CDH18: variants seen among roughly 807,000 people sequenced by gnomAD.
CDH18 encodes cadherin-18.
Under a neutral mutation model 67.9 loss-of-function variants are expected in CDH18, and 31 were observed. The ratio of observed to expected loss-of-function variants is 0.46; its 90% CI spans 0.34 to 0.62. The LOEUF is 0.62. Ranked by LOEUF, CDH18 falls within the 20% of genes least tolerant of loss-of-function variation. CDH18 has a pLI of 0.01. For missense variants in CDH18, 890 were observed against 975.5 expected (o/e 0.91, Z 1.17); for synonymous variants, 362 against 347.2 (o/e 1.04, Z -0.48).
chr5:19,725,765 G>A (rs1043975005), intron 4 of CDH18, among the ~76,000 whole-genome samples: 13 of 152,226 alleles, frequency 8.5e-5, no homozygotes, highest in East Asian at 7.7e-4. Flanking sequence ...ATGAAACTCC[G>A]TCTCAACAAC....
chr5:19,763,006 C>G (rs190914552), intron 3 of CDH18, among the ~76,000 whole-genome samples: 1 of 152,228 alleles, frequency 6.6e-6, no homozygotes, highest in Non-Finnish European at 1.5e-5. Context: ...GAACAGAAAA[C>G]CAAACACCAC....
chr5:20,083,090 A>G (rs985557301), intron 2 of CDH18, among the ~76,000 whole-genome samples: 2 of 152,224 alleles, frequency 1.3e-5, no homozygotes, highest in Non-Finnish European at 2.9e-5. Context: ...GGTGGGGTAC[A>G]ATGATAAAAC....
intron 8 of CDH18, among the ~76,000 whole-genome samples, chr5:19,565,862 G>C (rs760448610): frequency 1.4e-4 from 22 of 152,104 alleles, no homozygotes; most frequent in Non-Finnish European, 2.8e-4. Context: ...ATAAAAAATA[G>C]ATAAATGGGA....
At chr5:19,990,773 C>T (rs544750685), upstream of CDH18, among the ~76,000 whole-genome samples, 2 of 151,586 alleles carry the variant, frequency 1.3e-5, no homozygotes, top group South Asian at 2.1e-4. Context: ...AATAAAGAAA[C>T]ACAAAAGAAA....
At chr5:19,575,662 T>C (rs1742197315) in intron 7 of CDH18, among the ~76,000 whole-genome samples, 1 of 152,194 alleles carries the variant, frequency 6.6e-6, no homozygotes. Context: ...CTTATTATTT[T>C]CTGTTAATCC....
chr5:20,476,201 T>C (rs1206103509), intron 1 of CDH18, among the ~76,000 whole-genome samples: 1 of 152,154 alleles, frequency 6.6e-6, no homozygotes, highest in Admixed American at 6.5e-5. Flanking sequence ...CAATGATTGG[T>C]TGAGGTTTCA....
chr5:20,180,792 A>G (rs1266161224), intron 2 of CDH18, among the ~76,000 whole-genome samples: 1 of 151,620 alleles, frequency 6.6e-6, no homozygotes, highest in Non-Finnish European at 1.5e-5. Flanking sequence ...CAACCTGCCG[A>G]TCCACCTAGG....
chr5:20,058,459 A>G (rs1742185381), intron 2 of CDH18, among the ~76,000 whole-genome samples: 1 of 152,142 alleles, frequency 6.6e-6, no homozygotes, highest in Admixed American at 6.5e-5. Context: ...ATGAAGGGAA[A>G]AACTTAATTT....
At chr5:20,091,493 G>A (rs1311862367) in intron 2 of CDH18, among the ~76,000 whole-genome samples, 1 of 152,082 alleles carries the variant, frequency 6.6e-6, no homozygotes, top group Non-Finnish European at 1.5e-5. Context: ...GACAGAGTGA[G>A]ACCCTGTCTT....
intron 1 of CDH18, among the ~76,000 whole-genome samples, chr5:20,352,495 C>A (rs1002036754): frequency 6.6e-6 from 1 of 151,678 alleles, no homozygotes; most frequent in African/African-American, 2.4e-5. Flanking sequence ...CAAATAAGAA[C>A]CTGGACAGAC....
At chr5:19,682,328 T>G (rs1293251803) in intron 5 of CDH18, among the ~76,000 whole-genome samples, 1 of 152,000 alleles carries the variant, frequency 6.6e-6, no homozygotes, top group East Asian at 1.9e-4. Flanking sequence ...CCCTTTCTGT[T>G]TTTGTTTTTG....
intron 2 of CDH18, among the ~76,000 whole-genome samples, chr5:20,106,519 T>C (rs1353690010): frequency 6.6e-6 from 1 of 152,222 alleles, no homozygotes; most frequent in Non-Finnish European, 1.5e-5. Context: ...GTTTGAAGGA[T>C]TCCACACACT....
At chr5:20,065,106 G>T (rs928226428) in intron 2 of CDH18, among the ~76,000 whole-genome samples, 4 of 151,688 alleles carry the variant, frequency 2.6e-5, no homozygotes, top group African/African-American at 9.7e-5. Context: ...CAGAGTGTTA[G>T]GGAAACTTAT....
At chr5:20,149,388 A>G (rs1238104522) in intron 2 of CDH18, among the ~76,000 whole-genome samples, 1 of 152,166 alleles carries the variant, frequency 6.6e-6, no homozygotes, top group Non-Finnish European at 1.5e-5. Context: ...ACACACTTTC[A>G]TTAATCAGCT....
chr5:19,709,789 A>G (rs1369844220), intron 5 of CDH18, among the ~76,000 whole-genome samples: 1 of 152,150 alleles, frequency 6.6e-6, no homozygotes, highest in Non-Finnish European at 1.5e-5. Flanking sequence ...ACCAAAGCAA[A>G]AAGAAAATGA....
intron 1 of CDH18, among the ~76,000 whole-genome samples, chr5:20,355,957 AC>A (rs1741573121): frequency 6.6e-6 from 1 of 152,248 alleles, no homozygotes; most frequent in South Asian, 2.1e-4. Context: ...TTTAACAGAT[AC>A]AAATAAACTT....
At chr5:20,365,462 A>G (rs1364806640) in intron 1 of CDH18, among the ~76,000 whole-genome samples, 2 of 152,092 alleles carry the variant, frequency 1.3e-5, no homozygotes, top group African/African-American at 4.8e-5. Flanking sequence ...TCCATTACTG[A>G]TATACTTCAA....
chr5:19,475,813 G>A (rs552492573), intron 12 of CDH18, among the ~76,000 whole-genome samples: 1 of 151,942 alleles, frequency 6.6e-6, no homozygotes, highest in Admixed American at 6.6e-5. Flanking sequence ...TTGAATGAAT[G>A]GTTGTGAATC....
chr5:19,711,494 C>G (rs1478601651), intron 5 of CDH18, among the ~76,000 whole-genome samples: 1 of 151,674 alleles, frequency 6.6e-6, no homozygotes, highest in Non-Finnish European at 1.5e-5. Flanking sequence ...ATACGAAGGG[C>G]TGCCAAGCAT....
Sources: allele counts gnomAD v4.1 joint callset (sites outside exome capture counted in the v4.1 genomes callset), GRCh38; gene constraint gnomAD v4.1.1; transcripts MANE v1.5; gene names NCBI Gene and HGNC (gene_info 2026-07-23, HGNC 2026-07-21).